Variants in LRRTM4 observed in about 807,000 individuals in gnomAD.
LRRTM4 encodes the protein leucine-rich repeat transmembrane neuronal protein 4.
A neutral mutation model predicts 47.6 loss-of-function variants in LRRTM4; 25 were observed. The ratio of observed to expected loss-of-function variants is 0.53; its 90% CI spans 0.38 to 0.73. LRRTM4 has a LOEUF of 0.73. Ranked by LOEUF, LRRTM4 falls within the 30% of genes least tolerant of loss-of-function variation. LRRTM4 has a pLI of 0.00. For missense variants in LRRTM4, 638 were observed against 713.4 expected (o/e 0.89, Z 1.20); for synonymous variants, 311 against 269.5 (o/e 1.15, Z -1.51).
chr2:77,151,649 T>G (rs1672434221), intron 3 of LRRTM4, among the ~76,000 whole-genome samples: 1 of 152,162 alleles, frequency 6.6e-6, no homozygotes, highest in Non-Finnish European at 1.5e-5. Flanking sequence ...ACAGAGAACA[T>G]TAAACTAAAT....
chr2:77,086,283 C>G (rs1680709683), intron 3 of LRRTM4, among the ~76,000 whole-genome samples: 1 of 152,094 alleles, frequency 6.6e-6, no homozygotes, highest in Admixed American at 6.6e-5. Flanking sequence ...TGGTTCAGGT[C>G]TAACATCACT....
intron 3 of LRRTM4, among the ~76,000 whole-genome samples, chr2:76,910,396 A>G (rs865789661): frequency 6.6e-6 from 1 of 151,976 alleles, no homozygotes; most frequent in African/African-American, 2.4e-5. Context: ...ACCTAATGCT[A>G]GATGACGAGT....
chr2:76,966,367 G>A (rs994845673), intron 3 of LRRTM4, among the ~76,000 whole-genome samples: 1 of 151,036 alleles, frequency 6.6e-6, no homozygotes, highest in South Asian at 2.1e-4. Flanking sequence ...GCAAGAAGGG[G>A]GTTAGGAGTA....
chr2:77,208,597 T>C (rs1403751293), intron 3 of LRRTM4, among the ~76,000 whole-genome samples: 1 of 152,046 alleles, frequency 6.6e-6, no homozygotes, highest in East Asian at 1.9e-4. Flanking sequence ...GTCACACATA[T>C]ATATGAAGTC....
intron 3 of LRRTM4, among the ~76,000 whole-genome samples, chr2:77,239,676 T>C (rs1675204173): frequency 6.6e-6 from 1 of 151,886 alleles, no homozygotes; most frequent in Non-Finnish European, 1.5e-5. Flanking sequence ...ATAACAAAGT[T>C]AATTGCAGAA....
At chr2:76,843,396 G>C (rs541193695) in intron 3 of LRRTM4, among the ~76,000 whole-genome samples, 47 of 152,220 alleles carry the variant, frequency 3.1e-4, no homozygotes, top group African/African-American at 1.1e-3. Flanking sequence ...CTCTCTGTTA[G>C]ATAATATATA....
intron 3 of LRRTM4, among the ~76,000 whole-genome samples, chr2:77,311,959 C>T: frequency 6.6e-6 from 1 of 152,082 alleles, no homozygotes; most frequent in East Asian, 1.9e-4. Flanking sequence ...TTTGTTTCCT[C>T]CTTACTACCC....
At chr2:77,499,734 G>A (rs1678501571) in intron 3 of LRRTM4, among the ~76,000 whole-genome samples, 1 of 151,858 alleles carries the variant, frequency 6.6e-6, no homozygotes. Context: ...TATGCAAGCT[G>A]TAAGTTTCCA....
intron 3 of LRRTM4, among the ~76,000 whole-genome samples, chr2:77,062,952 T>C (rs533327935): frequency 1.7e-5 from 2 of 117,238 alleles, no homozygotes; most frequent in East Asian, 2.6e-4. Context: ...AAATTATTAT[T>C]ATCTTTTTTT....
intron 3 of LRRTM4, among the ~76,000 whole-genome samples, chr2:76,943,585 T>C (rs1444607527): frequency 6.6e-6 from 1 of 152,252 alleles, no homozygotes; most frequent in Non-Finnish European, 1.5e-5. Context: ...TTACAATTTT[T>C]TCCTCTCTCC....
intron 3 of LRRTM4, among the ~76,000 whole-genome samples, chr2:77,232,327 G>A (rs1268726446): frequency 6.6e-6 from 1 of 152,080 alleles, no homozygotes. Flanking sequence ...TACAACATTA[G>A]TATTTCTTCC....
chr2:77,220,110 C>T (rs1285902589), intron 3 of LRRTM4, among the ~76,000 whole-genome samples: 1 of 152,166 alleles, frequency 6.6e-6, no homozygotes, highest in Non-Finnish European at 1.5e-5. Context: ...TGGAGTGGAC[C>T]TCCAGCAAAC....
intron 3 of LRRTM4, among the ~76,000 whole-genome samples, chr2:77,158,015 G>A (rs1331482491): frequency 2.0e-5 from 3 of 152,096 alleles, no homozygotes; most frequent in African/African-American, 7.2e-5. Flanking sequence ...AAATGGGTCT[G>A]ACTAAATGAT....
chr2:77,276,278 A>G (rs1335128522), intron 3 of LRRTM4, among the ~76,000 whole-genome samples: 1 of 151,414 alleles, frequency 6.6e-6, no homozygotes, highest in Non-Finnish European at 1.5e-5. Flanking sequence ...CAATGTAAAA[A>G]CATACGCTAT....
At chr2:77,342,138 G>A (rs1558697061) in intron 3 of LRRTM4, among the ~76,000 whole-genome samples, 1 of 151,852 alleles carries the variant, frequency 6.6e-6, no homozygotes, top group African/African-American at 2.4e-5. Context: ...GTTATAGTAT[G>A]TAGAAAGTAT....
intron 3 of LRRTM4, among the ~76,000 whole-genome samples, chr2:76,833,445 T>TACATAAGC (rs1274444824): frequency 6.6e-6 from 1 of 152,116 alleles, no homozygotes; most frequent in African/African-American, 2.4e-5. Context: ...AAGTTAAAAA[T>TACATAAGC]ACATAAGCCG....
intron 3 of LRRTM4, among the ~76,000 whole-genome samples, chr2:77,071,465 G>A (rs1680153188): frequency 6.6e-6 from 1 of 151,948 alleles, no homozygotes; most frequent in Non-Finnish European, 1.5e-5. Context: ...ATTAAAATAT[G>A]CCCAAACTCT....
At chr2:76,767,849 A>G (rs1673518797) in intron 3 of LRRTM4, among the ~76,000 whole-genome samples, 1 of 152,148 alleles carries the variant, frequency 6.6e-6, no homozygotes. Flanking sequence ...GTTAAAATGG[A>G]CTGAGTTCTG....
chr2:77,370,616 T>G (rs183047526), intron 3 of LRRTM4, among the ~76,000 whole-genome samples: 3 of 151,836 alleles, frequency 2.0e-5, no homozygotes, highest in African/African-American at 7.2e-5. Flanking sequence ...TAGCCAAAGA[T>G]GGCAGAATTT....
Sources: gnomAD v4.1 joint callset for allele counts (sites outside exome capture counted in the v4.1 genomes callset) on GRCh38, gnomAD v4.1.1 for gene constraint, MANE v1.5 for transcripts, NCBI Gene and HGNC (gene_info 2026-07-23, HGNC 2026-07-21) for gene names.